Variants in HS6ST3 observed in about 807,000 individuals in gnomAD.
HS6ST3 encodes heparan-sulfate 6-O-sulfotransferase 3.
HS6ST3 carries 12 observed loss-of-function variants against 36.7 expected under a neutral mutation model. That is an observed-to-expected ratio of 0.33 (90% CI 0.21 to 0.53). The LOEUF (loss-of-function observed/expected upper bound fraction) is 0.53, where lower values mean the gene tolerates loss of function less well. HS6ST3 is among the 20% of genes least tolerant of loss of function. The probability of loss-of-function intolerance (pLI) is 0.95; values close to 1 mark genes in which losing one functional copy is unlikely to be tolerated. For synonymous variants in HS6ST3, 240 were observed against 257.5 expected (o/e 0.93, Z 0.65); for missense variants, 584 against 640.9 (o/e 0.91, Z 0.96).
Position 96,237,983 on chromosome 13 carries a change from C to T in HS6ST3, c.707+146414C>T, listed in dbSNP as rs530260229. ...TACCTTCTCTCTGATAGATCTTATT[C>T]TCTACCTGTGAATCTCCAGTTGCCA... On this transcript the variant is annotated intron_variant, in intron 1 of 1. Coordinates refer to ENST00000376705, the MANE Select transcript of HS6ST3 (RefSeq NM_153456.4). 4.6e-5 allele frequency among the ~76,000 whole-genome samples: 7 copies of T among 152,282 alleles called. 1 individual carries two copies. The highest frequency in any genetic ancestry group is 1.7e-4 in the African/African-American group (7 of 41,564).
At chr13:96,780,741 A>T (rs1476461066) in intron 1 of HS6ST3, among the ~76,000 whole-genome samples, 4 of 152,038 alleles carry the variant, frequency 2.6e-5, no homozygotes, top group Non-Finnish European at 5.9e-5. Flanking sequence ...CCTCCTTCTT[A>T]TATGTGTATA....
chr13:96,555,409 A>G (rs1351855343), intron 1 of HS6ST3, among the ~76,000 whole-genome samples: 3 of 152,222 alleles, frequency 2.0e-5, no homozygotes, highest in African/African-American at 7.2e-5. Context: ...GGCTTGGTGC[A>G]TATTTTCAAG....
intron 1 of HS6ST3, among the ~76,000 whole-genome samples, chr13:96,816,841 A>G (rs1204751937): frequency 6.6e-6 from 1 of 152,206 alleles, no homozygotes; most frequent in African/African-American, 2.4e-5. Flanking sequence ...CTACTCTGAT[A>G]TAATGTTTTT....
At chr13:96,149,680 C>G (rs1222160048) in intron 1 of HS6ST3, among the ~76,000 whole-genome samples, 1 of 152,000 alleles carries the variant, frequency 6.6e-6, no homozygotes, top group Non-Finnish European at 1.5e-5. Flanking sequence ...CACAATCCTC[C>G]CCTATAATGG....
intron 1 of HS6ST3, among the ~76,000 whole-genome samples, chr13:96,378,353 G>A (rs2055324547): frequency 6.6e-6 from 1 of 152,072 alleles, no homozygotes; most frequent in Non-Finnish European, 1.5e-5. Flanking sequence ...ACTTAGCTTC[G>A]GAAGAGGTGT....
intron 1 of HS6ST3, among the ~76,000 whole-genome samples, chr13:96,632,387 AACTG>A (rs1338920095): frequency 1.3e-5 from 2 of 151,920 alleles, no homozygotes; most frequent in Non-Finnish European, 2.9e-5. Context: ...CAGCAGCAGG[AACTG>A]ACTAACACAG....
chr13:96,689,906 T>C (rs1026579260), intron 1 of HS6ST3, among the ~76,000 whole-genome samples: 6 of 152,044 alleles, frequency 3.9e-5, no homozygotes, highest in African/African-American at 1.4e-4. Flanking sequence ...TATGATAGAC[T>C]GAAGATTCAC....
chr13:96,495,589 T>G (rs1430153382), intron 1 of HS6ST3, among the ~76,000 whole-genome samples: 1 of 152,158 alleles, frequency 6.6e-6, no homozygotes, highest in African/African-American at 2.4e-5. Flanking sequence ...CAAGCTAAGA[T>G]TATTAAGAGC....
intron 1 of HS6ST3, among the ~76,000 whole-genome samples, chr13:96,666,390 C>A (rs1441804005): frequency 6.6e-6 from 1 of 152,136 alleles, no homozygotes; most frequent in Non-Finnish European, 1.5e-5. Flanking sequence ...TTTCTTCTAT[C>A]CCTTTATTAT....
At position 96,771,277 on chromosome 13, in the gene HS6ST3, G is replaced by C. The variant is rs949685179; in HGVS notation, c.708-61213G>C. Among the ~76,000 whole-genome samples, 90 of 122,432 alleles carry C rather than the reference G, an allele frequency of 7.4e-4. 1 individual carries two copies. Among genetic ancestry groups the C allele is most frequent in the African/African-American group, 2.7e-3 (87 of 32,756 alleles). The allele number at this position is 122,432 out of a possible 152,430, so 80.3% of individuals were successfully genotyped here. A position where few individuals can be genotyped will look rare whatever the true frequency, so the allele number is the denominator to read the frequency against. On this transcript the variant is annotated intron_variant, in intron 1 of 1. Coordinates refer to ENST00000376705, the MANE Select transcript of HS6ST3 (RefSeq NM_153456.4). ...CACACACCGGGGCCTGTTGTGGGGT[G>C]GGGGGAGGGAGGAGGGATAGCATTA...
At chr13:96,174,387 AT>A (rs1264487071) in intron 1 of HS6ST3, among the ~76,000 whole-genome samples, 3 of 151,910 alleles carry the variant, frequency 2.0e-5, no homozygotes, top group Non-Finnish European at 2.9e-5. Flanking sequence ...TTCCCTCCAA[AT>A]TTTTTAGGTA....
intron 1 of HS6ST3, among the ~76,000 whole-genome samples, chr13:96,715,917 A>G: frequency 6.6e-6 from 1 of 151,752 alleles, no homozygotes; most frequent in Non-Finnish European, 1.5e-5. Flanking sequence ...CTTCCCTTCC[A>G]TCTCTGAGAC....
At chr13:96,777,153 A>G (rs1877407822) in intron 1 of HS6ST3, among the ~76,000 whole-genome samples, 1 of 152,192 alleles carries the variant, frequency 6.6e-6, no homozygotes, top group African/African-American at 2.4e-5. Context: ...CCTTCATGCT[A>G]AAAACACTCA....
intron 1 of HS6ST3, among the ~76,000 whole-genome samples, chr13:96,499,542 AGATAAGG>A (rs1301005019): frequency 6.6e-6 from 1 of 152,084 alleles, no homozygotes; most frequent in East Asian, 1.9e-4. Context: ...GGTGATGGGG[AGATAAGG>A]ACAGCTGTTT....
At chr13:96,535,557 CAAAAAAA>C (rs5805976) in intron 1 of HS6ST3, among the ~76,000 whole-genome samples, 6 of 125,230 alleles carry the variant, frequency 4.8e-5, no homozygotes, top group East Asian at 2.4e-4. Context: ...GACTCTGTTT[CAAAAAAA>C]AAAAAAAAAA....
At chr13:96,435,103 C>A (rs2055635149) in intron 1 of HS6ST3, among the ~76,000 whole-genome samples, 1 of 152,050 alleles carries the variant, frequency 6.6e-6, no homozygotes, top group East Asian at 1.9e-4. Context: ...CTAAAAAATT[C>A]CTTGAAGCAC....
intron 1 of HS6ST3, among the ~76,000 whole-genome samples, chr13:96,568,752 G>A (rs190227553): frequency 6.6e-6 from 1 of 152,312 alleles, no homozygotes; most frequent in Admixed American, 6.5e-5. Context: ...CTATGATCAT[G>A]TTTTGGTGGT....
At chr13:96,738,220 C>T (rs565271320) in intron 1 of HS6ST3, among the ~76,000 whole-genome samples, 3 of 152,260 alleles carry the variant, frequency 2.0e-5, no homozygotes, top group South Asian at 2.1e-4. Flanking sequence ...CAGACGTTAC[C>T]GAAGGCTGAT....
At chr13:96,287,776 T>C (rs933253633) in intron 1 of HS6ST3, among the ~76,000 whole-genome samples, 2 of 152,166 alleles carry the variant, frequency 1.3e-5, no homozygotes, top group Non-Finnish European at 2.9e-5. Context: ...CATCTCCTTC[T>C]TTTTATTCTT....
Sources: gnomAD v4.1 joint callset for allele counts (sites outside exome capture counted in the v4.1 genomes callset) on GRCh38, gnomAD v4.1.1 for gene constraint, MANE v1.5 for transcripts, NCBI Gene and HGNC (gene_info 2026-07-23, HGNC 2026-07-21) for gene names.